The following IGF1R variants were observed in gnomAD, a reference collection of about 807,000 sequenced individuals.
IGF1R encodes insulin like growth factor 1 receptor.
In IGF1R, 44 loss-of-function variants were observed where a neutral mutation model predicts 144.6. The observed-to-expected ratio is 0.30, with a 90% CI of 0.24 to 0.39. The LOEUF is 0.39. IGF1R is among the 10% of genes least tolerant of loss of function. The probability of loss-of-function intolerance (pLI) is 1.00; values close to 1 mark genes in which losing one functional copy is unlikely to be tolerated. For missense variants in IGF1R, 1,355 were observed against 1,833.7 expected, an observed-to-expected ratio of 0.74 and a Z score of 4.77; for synonymous variants, 795 against 722.8, an observed-to-expected ratio of 1.10 and a Z score of -1.60.
At chr15:98,927,794 A>G (rs1458654692) in intron 13 of IGF1R, among the ~76,000 whole-genome samples, 1 of 152,236 alleles carries the variant, frequency 6.6e-6, no homozygotes, top group Non-Finnish European at 1.5e-5. Context: ...AAGAGTAACC[A>G]TGATCACAGT....
At chr15:98,821,111 C>T (rs1287345158) in intron 2 of IGF1R, among the ~76,000 whole-genome samples, 3 of 152,162 alleles carry the variant, frequency 2.0e-5, no homozygotes, top group Non-Finnish European at 2.9e-5. Flanking sequence ...GATGGATAAA[C>T]GAAGATAGAT....
Position 98,960,163 on chromosome 15 carries a change from G to A in IGF1R, c.*2721G>A, listed in dbSNP as rs1483339630. 4.3e-6 allele frequency: 1 copy of A among 233,652 alleles called. No homozygotes were observed. Among genetic ancestry groups the A allele is most frequent in the Non-Finnish European group, 8.5e-6 (1 of 118,070 alleles). 14.5% of individuals were successfully genotyped at this position (233,652 alleles called of 1,614,324 possible). ...CGTTGATACTGGTAACCTCATCCACGCCACAGGCGCCACACCCAGGTGATG... is the reference window on the plus strand; with the variant it reads ...CGTTGATACTGGTAACCTCATCCACACCACAGGCGCCACACCCAGGTGATG... On this transcript the variant is annotated 3_prime_UTR_variant, in exon 21 of 21. Coordinates refer to ENST00000650285, the MANE Select transcript of IGF1R (RefSeq NM_000875.5).
chr15:98,830,602 C>CGCCTTTTTT (rs2056982466), intron 2 of IGF1R, among the ~76,000 whole-genome samples: 3 of 136,388 alleles, frequency 2.2e-5, no homozygotes, highest in Admixed American at 6.8e-5. Flanking sequence ...ATCTGATCAT[C>CGCCTTTTTT]ATCTTTTTTT....
chr15:98,923,599 G>C (rs191659540), intron 11 of IGF1R, among the ~76,000 whole-genome samples: 7 of 152,344 alleles, frequency 4.6e-5, no homozygotes, highest in Admixed American at 4.6e-4. Flanking sequence ...TTGAGGGACT[G>C]GGGAGAAAGG....
intron 2 of IGF1R, among the ~76,000 whole-genome samples, chr15:98,716,138 A>G (rs1338922487): frequency 2.0e-5 from 3 of 152,080 alleles, no homozygotes; most frequent in Non-Finnish European, 2.9e-5. Context: ...TTGCCACGTC[A>G]CCTGTCTGCC....
At chr15:98,796,268 C>G (rs921706109) in intron 2 of IGF1R, among the ~76,000 whole-genome samples, 1 of 151,952 alleles carries the variant, frequency 6.6e-6, no homozygotes, top group African/African-American at 2.4e-5. Context: ...AGTAAAGGCG[C>G]CTGGGGGTGT....
chr15:98,913,040 T>C lies in IGF1R; in HGVS notation c.1590-4T>C. On this transcript the variant is annotated splice_region_variant and splice_polypyrimidine_tract_variant and intron_variant, in intron 7 of 20. Transcript: ENST00000650285. The stretch of plus-strand genomic sequence containing the variant: ...AACTTTCTCTGAACTTAATTGTCTT[T>C]CAGACCCTTTAAGAATGTCACAGAG... 1.2e-6 allele frequency: 2 copies of C among 1,608,186 alleles called. No homozygotes were observed. Among genetic ancestry groups the C allele is most frequent in the Non-Finnish European group, 1.7e-6 (2 of 1,174,548 alleles).
At chr15:98,724,470 C>G (rs2054314553) in intron 2 of IGF1R, among the ~76,000 whole-genome samples, 1 of 152,214 alleles carries the variant, frequency 6.6e-6, no homozygotes, top group Non-Finnish European at 1.5e-5. Context: ...AGTGAGAGCT[C>G]TCATGGATCT....
chr15:98,883,014 G>C (rs1379377083), intron 2 of IGF1R, among the ~76,000 whole-genome samples: 1 of 152,138 alleles, frequency 6.6e-6, no homozygotes, highest in East Asian at 1.9e-4. Context: ...TTTTTATTTA[G>C]GTTCAGACAG....
intron 2 of IGF1R, among the ~76,000 whole-genome samples, chr15:98,848,865 TTAAAA>T (rs951890354): frequency 3.9e-5 from 6 of 152,112 alleles, no homozygotes; most frequent in Non-Finnish European, 8.8e-5. Flanking sequence ...CTACATCCAA[TTAAAA>T]TAAAAAGAGA....
intron 1 of IGF1R, among the ~76,000 whole-genome samples, chr15:98,661,874 G>T (rs532858777): frequency 7.2e-5 from 11 of 151,888 alleles, no homozygotes; most frequent in African/African-American, 2.4e-4. Context: ...CCTCATGGTG[G>T]GTGGCCCTGG....
intron 3 of IGF1R, among the ~76,000 whole-genome samples, chr15:98,893,210 G>A (rs7170203): frequency 0.053 from 8,130 of 152,156 alleles, 374 homozygotes; most frequent in East Asian, 0.14. Context: ...GTTTATAAAG[G>A]GGATTCTTTT....
intron 2 of IGF1R, among the ~76,000 whole-genome samples, chr15:98,877,572 G>A (rs553341312): frequency 8.1e-5 from 11 of 135,640 alleles, no homozygotes; most frequent in Admixed American, 4.4e-4. Flanking sequence ...GCCTCTAGAA[G>A]CATTTTTAAA....
rs2151713981 is a variant in IGF1R at position 98,939,223 on chromosome 15, C to T, written c.3320C>T (p.Pro1107Leu). The T allele has an allele frequency of 6.2e-7, 1 of 1,614,002 alleles. No homozygotes were observed. Among genetic ancestry groups the T allele is most frequent in the Non-Finnish European group, 8.5e-7 (1 of 1,179,908 alleles). Residue 1107 changes from proline to leucine, a missense_variant, in exon 18 of 21, where the codon CCA becomes CTA. Around this residue, in one of 7 missense-constraint regions of IGF1R, gnomAD observed 45 missense variants for 43.5 expected, o/e 1.03. Coordinates refer to ENST00000650285, the MANE Select transcript of IGF1R (RefSeq NM_000875.5). ...CAGAATAATCCAGTCCTAGCACCTC[C>T]AAGCCTGAGCAAGATGATTCAGATG... Reference protein sequence around the residue: ...EMENNPVLAPPSLSKMIQMAG... With the variant: ...EMENNPVLAPLSLSKMIQMAG...
At chr15:98,803,079 G>T (rs959692052) in intron 2 of IGF1R, among the ~76,000 whole-genome samples, 1 of 152,170 alleles carries the variant, frequency 6.6e-6, no homozygotes, top group Admixed American at 6.5e-5. Context: ...ACAGTCATAT[G>T]TTGCTTAATG....
chr15:98,700,229 G>T (rs998581578), intron 1 of IGF1R, among the ~76,000 whole-genome samples: 1 of 152,116 alleles, frequency 6.6e-6, no homozygotes, highest in Non-Finnish European at 1.5e-5. Flanking sequence ...GGCACAGCAT[G>T]GGAGGATCAT....
intron 2 of IGF1R, among the ~76,000 whole-genome samples, chr15:98,788,060 C>G (rs4998382): frequency 0.76 from 97,849 of 129,398 alleles, 36,234 homozygotes; most frequent in Non-Finnish European, 0.78. Context: ...CTCTCTCTCT[C>G]TCTGTGTGTG....
At chr15:98,860,543 C>CT (rs762867899) in intron 2 of IGF1R, among the ~76,000 whole-genome samples, 1 of 152,172 alleles carries the variant, frequency 6.6e-6, no homozygotes, top group Non-Finnish European at 1.5e-5. Flanking sequence ...GTATTCTGTA[C>CT]TTCTTTGCTT....
At chr15:98,721,191 T>A (rs1393742671) in intron 2 of IGF1R, among the ~76,000 whole-genome samples, 1 of 152,216 alleles carries the variant, frequency 6.6e-6, no homozygotes, top group Non-Finnish European at 1.5e-5. Context: ...AAATCTTCCT[T>A]ACTGAGGACT....
Sources: allele counts gnomAD v4.1 joint callset (sites outside exome capture counted in the v4.1 genomes callset), GRCh38; gene constraint gnomAD v4.1.1; regional missense constraint gnomAD v4.1.1; transcripts MANE v1.5; gene names NCBI Gene and HGNC (gene_info 2026-07-23, HGNC 2026-07-21).